CLSTN2: variants seen among roughly 807,000 people sequenced by gnomAD.
CLSTN2 encodes calsyntenin 2.
A neutral mutation model predicts 101.2 loss-of-function variants in CLSTN2; 48 were observed. That is an observed-to-expected ratio of 0.47 (90% CI 0.38 to 0.60). The LOEUF (loss-of-function observed/expected upper bound fraction) is 0.60, where lower values mean the gene tolerates loss of function less well. Ranked by LOEUF, CLSTN2 falls within the 20% of genes least tolerant of loss-of-function variation. CLSTN2 has a pLI of 0.00. For synonymous variants in CLSTN2, 481 were observed against 463.6 expected (o/e 1.04, Z -0.48); for missense variants, 1,160 against 1,238.2 (o/e 0.94, Z 0.95).
chr3:140,040,676 G>A (rs1226614393), intron 1 of CLSTN2, among the ~76,000 whole-genome samples: 1 of 152,036 alleles, frequency 6.6e-6, no homozygotes, highest in African/African-American at 2.4e-5. Flanking sequence ...AAGTCTCCAA[G>A]CAATTTGAGG....
chr3:140,260,073 A>G (rs1229204143), intron 2 of CLSTN2, among the ~76,000 whole-genome samples: 2 of 151,516 alleles, frequency 1.3e-5, no homozygotes, highest in South Asian at 4.2e-4. Context: ...GTGACATGCA[A>G]TTTACCCATG....
intron 3 of CLSTN2, among the ~76,000 whole-genome samples, chr3:140,404,099 A>G (rs2088276718): frequency 6.6e-6 from 1 of 152,104 alleles, no homozygotes; most frequent in Admixed American, 6.5e-5. Flanking sequence ...GCCTTCCCTA[A>G]GCTGGCCCAC....
chr3:140,549,696 C>G (rs1935669993), intron 10 of CLSTN2, among the ~76,000 whole-genome samples: 1 of 148,238 alleles, frequency 6.7e-6, no homozygotes, highest in Non-Finnish European at 1.5e-5. Context: ...ATCATTAAAA[C>G]AAATTTCTTT....
intron 2 of CLSTN2, among the ~76,000 whole-genome samples, chr3:140,202,858 T>A (rs573227887): frequency 6.6e-6 from 1 of 152,252 alleles, no homozygotes; most frequent in African/African-American, 2.4e-5. Flanking sequence ...CCTGAGCACA[T>A]AACTAGTCTA....
At chr3:140,343,646 G>T (rs757791013) in intron 2 of CLSTN2, among the ~76,000 whole-genome samples, 52 of 152,194 alleles carry the variant, frequency 3.4e-4, no homozygotes, top group Non-Finnish European at 6.5e-4. Flanking sequence ...AAGCTTGTGA[G>T]ATGTTTCTTA....
chr3:140,058,806 T>C lies in CLSTN2; in HGVS notation c.110-117145T>C, dbSNP rs1256732325. ...AAAAAAAAAAAAAGGTCAGGTGGGG[T>C]CCAAGACAGAATGAAGGTGAGAGGG... On this transcript the variant is annotated intron_variant, in intron 1 of 16. Transcript: ENST00000458420. Among the ~76,000 whole-genome samples, 2 of 141,160 alleles carry C rather than the reference T, an allele frequency of 1.4e-5. 1 individual carries two copies. Among genetic ancestry groups the C allele is most frequent in the South Asian group, 4.6e-4 (2 of 4,336 alleles). The allele number at this position is 141,160 out of a possible 152,430, so 92.6% of individuals were successfully genotyped here.
chr3:140,418,097 T>C (rs17347351), intron 4 of CLSTN2, among the ~76,000 whole-genome samples: 17,779 of 152,218 alleles, frequency 0.12, 1,063 homozygotes, highest in East Asian at 0.18. Flanking sequence ...GAGGAGTATC[T>C]TTTGAGGGCC....
chr3:140,094,038 A>T (rs2008826132), intron 1 of CLSTN2, among the ~76,000 whole-genome samples: 1 of 152,240 alleles, frequency 6.6e-6, no homozygotes, highest in South Asian at 2.1e-4. Context: ...AAAGCAGCCC[A>T]TGTGTTCCAT....
chr3:139,936,758 A>G (rs1576369429), intron 1 of CLSTN2, among the ~76,000 whole-genome samples: 1 of 152,194 alleles, frequency 6.6e-6, no homozygotes, highest in East Asian at 1.9e-4. Context: ...GGAGTGATAT[A>G]TTTGAGAAGA....
At chr3:140,026,532 T>C (rs2007422656) in intron 1 of CLSTN2, among the ~76,000 whole-genome samples, 1 of 152,186 alleles carries the variant, frequency 6.6e-6, no homozygotes, top group Non-Finnish European at 1.5e-5. Context: ...CTTTGGGGTT[T>C]GAGAAACTGG....
intron 2 of CLSTN2, among the ~76,000 whole-genome samples, chr3:140,257,075 A>T (rs775692584): frequency 6.6e-6 from 1 of 152,196 alleles, no homozygotes; most frequent in Non-Finnish European, 1.5e-5. Flanking sequence ...TTTTTAAAAA[A>T]CAAATTTGTT....
intron 2 of CLSTN2, among the ~76,000 whole-genome samples, chr3:140,395,692 A>T (rs1469755846): frequency 6.6e-6 from 1 of 152,240 alleles, no homozygotes; most frequent in Non-Finnish European, 1.5e-5. Context: ...ATTCAGCCCT[A>T]AAGTGATATT....
At chr3:140,110,377 A>G (rs1560097682) in intron 1 of CLSTN2, among the ~76,000 whole-genome samples, 1 of 152,206 alleles carries the variant, frequency 6.6e-6, no homozygotes, top group African/African-American at 2.4e-5. Flanking sequence ...TTTCACAGTA[A>G]TATTTTGGCA....
At chr3:140,329,803 A>G (rs888439863) in intron 2 of CLSTN2, among the ~76,000 whole-genome samples, 15 of 152,220 alleles carry the variant, frequency 9.9e-5, no homozygotes, top group African/African-American at 3.6e-4. Context: ...ATGTCCCTTC[A>G]TTTCTAATGG....
intron 2 of CLSTN2, among the ~76,000 whole-genome samples, chr3:140,313,767 C>G (rs2087197776): frequency 6.6e-6 from 1 of 152,210 alleles, no homozygotes; most frequent in African/African-American, 2.4e-5. Flanking sequence ...CTTTGTGACA[C>G]AAAGCGCAGT....
At position 140,558,754 on chromosome 3, in the gene CLSTN2, T is replaced by G. The variant is rs1304448708; in HGVS notation, c.1938T>G (p.Pro646=). The part of the protein sequence containing the change: ...TLRGTDHFWR[P]AAQFESARGV... ...GGGGCACAGACCACTTCTGGAGACC[T>G]GCTGCCCAGTTTGAAAGTGCCAGGG... The change falls in exon 12 of 17, where the codon CCT becomes CCG. Residue 646 remains proline, a synonymous_variant. Coordinates refer to ENST00000458420, the MANE Select transcript of CLSTN2 (RefSeq NM_022131.3). The G allele has an allele frequency of 1.2e-6, 2 of 1,614,160 alleles. No individual in the cohort carries two copies. Among genetic ancestry groups the G allele is most frequent in the Non-Finnish European group, 1.7e-6 (2 of 1,180,014 alleles).
chr3:140,160,262 G>A (rs1333349827), intron 1 of CLSTN2, among the ~76,000 whole-genome samples: 1 of 152,032 alleles, frequency 6.6e-6, no homozygotes, highest in African/African-American at 2.4e-5. Flanking sequence ...TATTTTCACT[G>A]ACATACAGAA....
chr3:140,219,852 C>CCTA (rs2086251423), intron 2 of CLSTN2, among the ~76,000 whole-genome samples: 1 of 152,222 alleles, frequency 6.6e-6, no homozygotes, highest in African/African-American at 2.4e-5. Flanking sequence ...CGCTATCATA[C>CCTA]CTACCTCTTA....
intron 1 of CLSTN2, among the ~76,000 whole-genome samples, chr3:139,982,505 A>T (rs994635409): frequency 6.6e-6 from 1 of 152,190 alleles, no homozygotes; most frequent in Non-Finnish European, 1.5e-5. Context: ...TTTTCAAACA[A>T]GGCTCAGAGA....
Sources: gnomAD v4.1 joint callset for allele counts (sites outside exome capture counted in the v4.1 genomes callset) on GRCh38, gnomAD v4.1.1 for gene constraint, MANE v1.5 for transcripts, NCBI Gene and HGNC (gene_info 2026-07-23, HGNC 2026-07-21) for gene names.